The following EPB41L3 variants were observed in gnomAD, a reference collection of about 807,000 sequenced individuals.
The protein encoded by EPB41L3 is erythrocyte membrane protein band 4.1 like 3, also known as band 4.1-like protein 3.
In EPB41L3, 57 loss-of-function variants were observed where a neutral mutation model predicts 127.1. That is an observed-to-expected ratio of 0.45 (90% CI 0.36 to 0.56). EPB41L3 has a LOEUF of 0.56. Among genes scored for constraint, EPB41L3 ranks in the 20% least tolerant of loss-of-function variants. The pLI is 0.00. For synonymous variants in EPB41L3, 572 were observed against 549.5 expected (o/e 1.04, Z -0.57); for missense variants, 1,273 against 1,372.2 (o/e 0.93, Z 1.14).
Position 5,394,680 on chromosome 18 carries a change from T to G in EPB41L3, c.*3A>C, listed in dbSNP as rs199831654. The G allele has an allele frequency of 1.2e-4, 194 of 1,613,124 alleles. No individual in the cohort carries two copies. The highest frequency in any genetic ancestry group is 1.6e-4 in the Non-Finnish European group (183 of 1,179,306). On this transcript the variant is annotated 3_prime_UTR_variant, in exon 22 of 23. Coordinates refer to ENST00000341928, the MANE Select transcript of EPB41L3 (RefSeq NM_012307.5). ...GAGAATCGGCATCACCTCTTACCTC[T>G]GGTCAATCCTCTCCATCTTCTGGTG...
At chr18:5,414,382 G>A (rs916639520) in intron 13 of EPB41L3, among the ~76,000 whole-genome samples, 2 of 152,072 alleles carry the variant, frequency 1.3e-5, no homozygotes, top group Admixed American at 6.5e-5. Context: ...TATTAAAAGT[G>A]TAGACTTTTA....
At chr18:5,562,739 C>A (rs1321092023) in intron 3 of EPB41L3, among the ~76,000 whole-genome samples, 1 of 152,074 alleles carries the variant, frequency 6.6e-6, no homozygotes, top group Non-Finnish European at 1.5e-5. Flanking sequence ...TAGCTCAGAC[C>A]CTCTCTCTCC....
intron 3 of EPB41L3, among the ~76,000 whole-genome samples, chr18:5,454,049 A>T (rs1253683211): frequency 2.0e-5 from 3 of 152,136 alleles, no homozygotes; most frequent in Non-Finnish European, 4.4e-5. Flanking sequence ...GAGTTCGGCA[A>T]ACTCTCTGGG....
chr18:5,548,653 TAA>T (rs2093920148), upstream of EPB41L3, among the ~76,000 whole-genome samples: 1 of 152,212 alleles, frequency 6.6e-6, no homozygotes, highest in Non-Finnish European at 1.5e-5. Context: ...ATTTTAGAAA[TAA>T]GTCTCAGTAC....
Position 5,543,707 on chromosome 18 carries a change from G to T in EPB41L3, c.-12+206C>A, listed in dbSNP as rs2093815537. Among the ~76,000 whole-genome samples, 1 of 145,922 alleles carries T rather than the reference G, an allele frequency of 6.9e-6. No homozygotes were observed. Among genetic ancestry groups the T allele is most frequent in the Admixed American group, 6.8e-5 (1 of 14,804 alleles). ...GGGCGCGGCGCGCAGGCTCGGCCCGGTGGGGGTCCCGGCGAGCGGGAGGGC... is the reference window on the plus strand; with the variant it reads ...GGGCGCGGCGCGCAGGCTCGGCCCGTTGGGGGTCCCGGCGAGCGGGAGGGC... On this transcript the variant is annotated intron_variant, in intron 1 of 22. Transcript: ENST00000341928. This position sits in a 1 kb window ranked among gnomAD's most constrained non-coding sequence, Gnocchi z 5.2.
At chr18:5,416,768 T>G (rs967833512) in intron 12 of EPB41L3, among the ~76,000 whole-genome samples, 1 of 152,156 alleles carries the variant, frequency 6.6e-6, no homozygotes, top group Non-Finnish European at 1.5e-5. Context: ...TTCAATAGCC[T>G]TCTCCTGATT....
At chr18:5,431,312 G>A (rs1385317486) in intron 8 of EPB41L3, 2 of 152,188 alleles carry the variant, frequency 1.3e-5, no homozygotes, top group African/African-American at 4.8e-5. Flanking sequence ...ACAGAAGCGA[G>A]GCATCTCGCT....
rs755182888 is a variant in EPB41L3, at chr18:5,419,875, C to T, written c.1342G>A (p.Val448Ile). The T allele has an allele frequency of 1.9e-6, 3 of 1,614,074 alleles. No individual in the cohort carries two copies. Among genetic ancestry groups the T allele is most frequent in the African/African-American group, 1.3e-5 (1 of 74,918 alleles). The change falls in exon 12 of 23, where the codon GTT becomes ATT. Residue 448 changes from valine (V) to isoleucine (I), a missense_variant and splice_region_variant. Physicochemically the swap from Val to Ile is conservative, Grantham distance 29. Transcript: ENST00000341928. The part of the protein sequence containing the change: ...YTMSRSLDGE[V>I]GTGQYATTKG... ...GTTGTGGCGTACTGGCCAGTACCAA[C>T]CTCTGCAGCAGACATAGAATCCTTC...
chr18:5,510,177 T>C (rs887850591), intron 1 of EPB41L3, among the ~76,000 whole-genome samples: 4 of 152,228 alleles, frequency 2.6e-5, no homozygotes, highest in African/African-American at 9.6e-5. Context: ...ATCTGAAGGA[T>C]TTCTGGTCTG....
At chr18:5,417,083 C>T (rs2076919567) in intron 12 of EPB41L3, among the ~76,000 whole-genome samples, 2 of 152,202 alleles carry the variant, frequency 1.3e-5, no homozygotes, top group African/African-American at 2.4e-5. Flanking sequence ...ATTAGTGGAA[C>T]TTCAACTGAA....
intron 3 of EPB41L3, among the ~76,000 whole-genome samples, chr18:5,556,385 C>T (rs1444649350): frequency 6.6e-6 from 1 of 152,172 alleles, no homozygotes; most frequent in Non-Finnish European, 1.5e-5. Flanking sequence ...GGGGACTAGC[C>T]AGAGCTGCTG....
intron 3 of EPB41L3, chr18:5,577,372 T>A (rs1226864654): frequency 2.2e-6 from 1 of 453,626 alleles, no homozygotes; most frequent in Non-Finnish European, 4.4e-6. Flanking sequence ...TAGAGACAGA[T>A]GAAAGATGGC....
intron 2 of EPB41L3, among the ~76,000 whole-genome samples, chr18:5,480,688 G>C (rs968286066): frequency 7.2e-5 from 11 of 152,180 alleles, no homozygotes; most frequent in Non-Finnish European, 1.2e-4. Flanking sequence ...ACTTGCGTGA[G>C]TTCTCCGAAG....
intron 3 of EPB41L3, among the ~76,000 whole-genome samples, chr18:5,574,057 C>T (rs758849291): frequency 9.2e-5 from 14 of 151,792 alleles, no homozygotes; most frequent in Non-Finnish European, 1.3e-4. Context: ...ACTACAGGCA[C>T]GCACCACCTT....
At chr18:5,449,126 A>T (rs910660407) in intron 3 of EPB41L3, among the ~76,000 whole-genome samples, 1 of 152,214 alleles carries the variant, frequency 6.6e-6, no homozygotes, top group Non-Finnish European at 1.5e-5. Context: ...TATACAAAGA[A>T]CTCTTAAAAC....
At chr18:5,417,696 A>C (rs1359203831) in intron 12 of EPB41L3, among the ~76,000 whole-genome samples, 1 of 152,234 alleles carries the variant, frequency 6.6e-6, no homozygotes, top group Non-Finnish European at 1.5e-5. Context: ...GCATGAGGGA[A>C]AGAAAATGCA....
chr18:5,483,724 G>C (rs1284942050), intron 2 of EPB41L3, among the ~76,000 whole-genome samples: 7 of 151,796 alleles, frequency 4.6e-5, no homozygotes, highest in Admixed American at 4.6e-4. Context: ...ATGAGAAAAA[G>C]CAGGTCACTA....
intron 3 of EPB41L3, among the ~76,000 whole-genome samples, chr18:5,472,325 C>T (rs191062866): frequency 2.0e-5 from 3 of 152,248 alleles, no homozygotes; most frequent in East Asian, 3.9e-4. Flanking sequence ...TAGGAAACAA[C>T]GTTAATTAAA....
In EPB41L3 at chr18:5,397,321, C is replaced by A; in HGVS notation, c.2578G>T (p.Glu860Ter). 1 of 1,614,036 alleles carries A rather than the reference C, an allele frequency of 6.2e-7. No individual in the cohort carries two copies. Among genetic ancestry groups the A allele is most frequent in the South Asian group, 1.1e-5 (1 of 91,068 alleles). The change falls in exon 18 of 23, where the codon GAG becomes TAG. Residue 860 changes from glutamate to a stop codon, truncating the protein, a stop_gained. Coordinates refer to ENST00000341928, the MANE Select transcript of EPB41L3 (RefSeq NM_012307.5). LOFTEE classifies it high-confidence loss of function. The surrounding 1 kb of genome is among the most constrained non-coding windows in gnomAD (Gnocchi z 4.1). ...KVVQETVLVE[E>*]RRVVHASGDA... ...CCACTCGCGTGCACCACACGCCGCT[C>A]CTCCACCAACACGGTCTCCTGCACC...
Sources: allele counts gnomAD v4.1 joint callset (sites outside exome capture counted in the v4.1 genomes callset), GRCh38; gene constraint gnomAD v4.1.1; non-coding constraint Gnocchi (gnomAD v3.1); transcripts MANE v1.5; gene names NCBI Gene and HGNC (gene_info 2026-07-23, HGNC 2026-07-21).